The following HPF1 variants were observed in gnomAD, a reference collection of about 807,000 sequenced individuals.
HPF1 encodes the protein UPF0609 protein C4orf27.
In HPF1, 35 loss-of-function variants were observed where a neutral mutation model predicts 38.8. The ratio of observed to expected loss-of-function variants is 0.90; its 90% CI spans 0.69 to 1.19. The LOEUF (loss-of-function observed/expected upper bound fraction) is 1.19. Among genes scored for constraint, HPF1 ranks in the 50% most tolerant of loss-of-function variants. The pLI, the probability that HPF1 is intolerant of heterozygous loss-of-function variation, is 0.00. For missense variants in HPF1, 367 were observed against 405.8 expected, an observed-to-expected ratio of 0.90 and a Z score of 0.82; for synonymous variants, 115 against 139.2, an observed-to-expected ratio of 0.83 and a Z score of 1.22.
rs755869482 is a variant in HPF1, at chr4:169,757,907, C to T, written c.-30G>A. 4.5e-6 allele frequency: 7 copies of T among 1,538,710 alleles called. No individual in the cohort carries two copies. The highest frequency in any genetic ancestry group is 2.4e-5 in the East Asian group (1 of 40,926). ...CAGCTGCAGCGCCAGCAGAATTCCCCGATCCGCGGCCGCTTCCGAGCGCCG... is the reference window on the plus strand; with the variant it reads ...CAGCTGCAGCGCCAGCAGAATTCCCTGATCCGCGGCCGCTTCCGAGCGCCG... On this transcript the variant is annotated 5_prime_UTR_variant, in exon 1 of 8. Transcript: ENST00000393381.
In HPF1 at chr4:169,732,118, G is replaced by A. The variant is rs1318880398; in HGVS notation, c.737-242C>T. The stretch of plus-strand genomic sequence containing the variant: ...TTTCTTTATTAACGACTATTTCACA[G>A]GATTTAGTTACAGTCACGATTTTTT... On this transcript the variant is annotated intron_variant, in intron 6 of 7. Transcript: ENST00000393381. 63 of 362,060 alleles carry A rather than the reference G, an allele frequency of 1.7e-4. 1 individual carries two copies. In the East Asian group the frequency reaches 3.2e-3, roughly 19 times the overall value. The allele number at this position is 362,060 out of a possible 1,614,324, so 22.4% of individuals were successfully genotyped here. A position where few individuals can be genotyped will look rare whatever the true frequency, so the allele number is the denominator to read the frequency against.
rs138297742 is a variant in HPF1, at chr4:169,745,775, T to C, written c.497+2969A>G. ...ACCTCAACATCCCGAGTAGCCACCA[T>C]GCCTGGCTCCATCACAAACATTTTT... On this transcript the variant is annotated intron_variant, in intron 4 of 7. Transcript: ENST00000393381. Among the ~76,000 whole-genome samples the C allele has an allele frequency of 5.6e-3, 856 of 152,314 alleles. 13 individuals are homozygous for C. The highest frequency in any genetic ancestry group is 0.02 in the African/African-American group (817 of 41,564).
At position 169,737,669 on chromosome 4, in the gene HPF1, C is replaced by G; in HGVS notation, c.727G>C (p.Glu243Gln). ...CTATGAAATACATTACCATCTGTTT[C>G]AGGGAGCTCTCGGTACCCAACATCA... ...KNDVGYRELP[E>Q]TDADLKRICK... The change falls in exon 6 of 8, where the codon GAA becomes CAA. Residue 243 changes from glutamate to glutamine, a missense_variant. By Grantham distance (29) the Glu-to-Gln change is conservative (BLOSUM62 2). Coordinates refer to ENST00000393381, the MANE Select transcript of HPF1 (RefSeq NM_017867.3). 6.3e-7 allele frequency: 1 copy of G among 1,596,138 alleles called. No individual in the cohort carries two copies. The highest frequency in any genetic ancestry group is 1.1e-5 in the South Asian group (1 of 90,724).
chr4:169,739,208 T>C (rs1382885383), intron 5 of HPF1, among the ~76,000 whole-genome samples: 1 of 151,664 alleles, frequency 6.6e-6, no homozygotes, highest in Admixed American at 6.6e-5. Context: ...TAGAGAAGAG[T>C]TGACTATATA....
intron 4 of HPF1, among the ~76,000 whole-genome samples, chr4:169,747,549 T>TA (rs1343690634): frequency 6.6e-6 from 1 of 152,192 alleles, no homozygotes; most frequent in Non-Finnish European, 1.5e-5. Context: ...TTTGAAGTGA[T>TA]AAAGTTTGCT....
rs924136268 is a variant in HPF1 at position 169,741,916 on chromosome 4, T to C, written c.648+41A>G. On this transcript the variant is annotated intron_variant, in intron 5 of 7. Transcript: ENST00000393381. ...GGAAGGAATCAAGAGGGGAAAAAAA[T>C]ATGCTATAGCAAAACAGAGACCAAC... The C allele has an allele frequency of 5.1e-6, 8 of 1,570,334 alleles. No individual in the cohort carries two copies. The African/African-American group carries it at 9.5e-5, about 19-fold the overall frequency.
rs535516557 is a variant in HPF1 at position 169,750,320 on chromosome 4, A to T, written c.398+216T>A. Among the ~76,000 whole-genome samples, 7 of 152,344 alleles carry T rather than the reference A, an allele frequency of 4.6e-5. No individual in the cohort carries two copies. The South Asian group carries it at 1.4e-3, about 32-fold the overall frequency. On this transcript the variant is annotated intron_variant, in intron 3 of 7. Transcript: ENST00000393381. The stretch of plus-strand genomic sequence containing the variant: ...TCTTCTGAACCCAAAAGGGAAAAAA[A>T]GTTTACAAGGAAAGGAAAAACAAGT...
chr4:169,737,834 T>G lies in HPF1; in HGVS notation c.649-87A>C, dbSNP rs1733919044. 19 of 822,814 alleles carry G rather than the reference T, an allele frequency of 2.3e-5. No individual in the cohort carries two copies. The Admixed American group carries it at 3.7e-4, about 16-fold the overall frequency. The allele number at this position is 822,814 out of a possible 1,614,324, so 51.0% of individuals were successfully genotyped here. On this transcript the variant is annotated intron_variant, in intron 5 of 7. Coordinates refer to ENST00000393381, the MANE Select transcript of HPF1 (RefSeq NM_017867.3). ...CAAATACATAAACCCTCAACATTTC[T>G]GCCAAAATGTAACATTTAATCACAT...
chr4:169,752,551 G>A (rs1343725698), intron 2 of HPF1, among the ~76,000 whole-genome samples: 1 of 151,788 alleles, frequency 6.6e-6, no homozygotes, highest in Non-Finnish European at 1.5e-5. Context: ...AAGTATACAG[G>A]GATATGTGTG....
rs1198065438 is a variant in HPF1 at position 169,731,781 on chromosome 4, CAA to C, written c.830_831del (p.Phe277CysfsTer5). The C allele has an allele frequency of 1.9e-6, 3 of 1,605,936 alleles. No individual in the cohort carries two copies. Among genetic ancestry groups the C allele is most frequent in the Non-Finnish European group, 2.5e-6 (3 of 1,177,726 alleles). ...TCACATTCATCATTAGCAAACTGCA[CAA>C]AAGTCATCATTTCCTGAATGGGAGC... ...AFAPIQEMMT[F>X]VQFANDECDY... On this transcript the variant is annotated frameshift_variant, in exon 7 of 8. Coordinates refer to ENST00000393381, the MANE Select transcript of HPF1 (RefSeq NM_017867.3). LOFTEE classifies it high-confidence loss of function.
chr4:169,744,097 A>G (rs545073871), intron 4 of HPF1, among the ~76,000 whole-genome samples: 1 of 152,312 alleles, frequency 6.6e-6, no homozygotes, highest in East Asian at 1.9e-4. Flanking sequence ...ACCATAAAAT[A>G]CAGATTTGAT....
chr4:169,755,603 C>T (rs886509566), intron 1 of HPF1, among the ~76,000 whole-genome samples: 3 of 152,104 alleles, frequency 2.0e-5, no homozygotes, highest in African/African-American at 7.2e-5. Context: ...CGTCATTTAC[C>T]GAATGGTTAC....
At chr4:169,747,567 T>C (rs1042685141) in intron 4 of HPF1, among the ~76,000 whole-genome samples, 3 of 152,184 alleles carry the variant, frequency 2.0e-5, no homozygotes, top group African/African-American at 4.8e-5. Flanking sequence ...GCTTTCTTCA[T>C]TACAATGCAA....
intron 5 of HPF1, among the ~76,000 whole-genome samples, chr4:169,740,499 A>G (rs1733955172): frequency 6.6e-6 from 1 of 152,228 alleles, no homozygotes; most frequent in African/African-American, 2.4e-5. Flanking sequence ...CACAAGGACA[A>G]AGCCACTAAC....
At chr4:169,755,909 G>A (rs940711432) in intron 1 of HPF1, among the ~76,000 whole-genome samples, 4 of 152,050 alleles carry the variant, frequency 2.6e-5, no homozygotes, top group Admixed American at 2.6e-4. Context: ...TGGGTTCACT[G>A]GTGTTTGTTA....
At chr4:169,742,601 G>A (rs528112180) in intron 4 of HPF1, among the ~76,000 whole-genome samples, 2 of 152,156 alleles carry the variant, frequency 1.3e-5, no homozygotes, top group Non-Finnish European at 2.9e-5. Context: ...GACCATCCTG[G>A]CTAACAAGGT....
At chr4:169,737,581 T>C (rs1733914282) in intron 6 of HPF1, 79 bp downstream of exon 6, 1 of 909,084 alleles carries the variant, frequency 1.1e-6, no homozygotes, top group Admixed American at 1.7e-5. Context: ...TATATAGACA[T>C]ACCTACTTCC....
At chr4:169,737,580 A>G (rs17055114) in intron 6 of HPF1, 80 bp downstream of exon 6, 174,955 of 894,456 alleles carry the variant, frequency 0.2, 18,158 homozygotes, top group African/African-American at 0.31. Context: ...GTATATAGAC[A>G]TACCTACTTC....
chr4:169,744,901 T>A (rs1286258526), intron 4 of HPF1, among the ~76,000 whole-genome samples: 8 of 151,716 alleles, frequency 5.3e-5, no homozygotes, highest in Non-Finnish European at 1.2e-4. Context: ...CACAATGTCA[T>A]CTAAAATGCT....
Sources: allele counts gnomAD v4.1 joint callset (sites outside exome capture counted in the v4.1 genomes callset), GRCh38; gene constraint gnomAD v4.1.1; transcripts MANE v1.5; gene names NCBI Gene and HGNC (gene_info 2026-07-23, HGNC 2026-07-21).